The following GRB14 variants were observed in gnomAD, a reference collection of about 807,000 sequenced individuals.
The protein encoded by GRB14 is growth factor receptor-bound protein 14.
Under a neutral mutation model 69.1 loss-of-function variants are expected in GRB14, and 38 were observed. The ratio of observed to expected loss-of-function variants is 0.55; its 90% CI spans 0.42 to 0.72. The LOEUF (loss-of-function observed/expected upper bound fraction) is 0.72. Among genes scored for constraint, GRB14 ranks in the 30% least tolerant of loss-of-function variants. The pLI is 0.00. For synonymous variants in GRB14, 247 were observed against 241.3 expected, an observed-to-expected ratio of 1.02 and a Z score of -0.22; for missense variants, 666 against 666.1, an observed-to-expected ratio of 1.00 and a Z score of 0.00.
chr2:164,605,125 C>G (rs1003627814), intron 2 of GRB14, among the ~76,000 whole-genome samples: 3 of 152,084 alleles, frequency 2.0e-5, no homozygotes, highest in Admixed American at 6.5e-5. Flanking sequence ...AGGAGAGTCT[C>G]AAAGTAATTA....
intron 2 of GRB14, among the ~76,000 whole-genome samples, chr2:164,609,183 T>A (rs1690108719): frequency 6.6e-6 from 1 of 152,230 alleles, no homozygotes; most frequent in Non-Finnish European, 1.5e-5. Context: ...TCCCAGCTGT[T>A]AGAGTATCAG....
intron 1 of GRB14, among the ~76,000 whole-genome samples, chr2:164,620,684 G>T (rs1690435559): frequency 2.0e-5 from 3 of 152,190 alleles, no homozygotes. Context: ...CTGCCGAACA[G>T]CAAGACTGCT....
chr2:164,602,504 G>A (rs1338102702), intron 2 of GRB14, among the ~76,000 whole-genome samples: 2 of 152,012 alleles, frequency 1.3e-5, no homozygotes, highest in South Asian at 2.1e-4. Flanking sequence ...TGGTTTACAC[G>A]TACTTCATAA....
At position 164,527,155 on chromosome 2, in the gene GRB14, G is replaced by C. The variant is rs781559590; in HGVS notation, c.482-20C>G. ...TTCTTTCTGTAAAGAATGTTTCAATGAGTATGTTGACAGATAGACAAATAT... is the reference window on the plus strand; with the variant it reads ...TTCTTTCTGTAAAGAATGTTTCAATCAGTATGTTGACAGATAGACAAATAT... On this transcript the variant is annotated intron_variant, in intron 3 of 13. Transcript: ENST00000263915. 3 of 1,236,056 alleles carry C rather than the reference G, an allele frequency of 2.4e-6. No homozygotes were observed. Among genetic ancestry groups the C allele is most frequent in the Admixed American group, 2.0e-5 (1 of 49,934 alleles). 76.6% of individuals were successfully genotyped at this position (1,236,056 alleles called of 1,614,324 possible).
rs377666459 is a variant in GRB14, at chr2:164,616,513, A to G, written c.324+3174T>C. Among the ~76,000 whole-genome samples the G allele has an allele frequency of 1.4e-4, 21 of 151,128 alleles. No individual in the cohort carries two copies. The South Asian group carries it at 4.0e-3, about 29-fold the overall frequency. ...AATAATGGTACTGAAAGCCTACAGT[A>G]TTGTACACTTTGGGACATTTTATTT... On this transcript the variant is annotated intron_variant, in intron 2 of 13. Coordinates refer to ENST00000263915, the MANE Select transcript of GRB14 (RefSeq NM_004490.3).
rs561302013 is a variant in GRB14 at position 164,607,897 on chromosome 2, G to A, written c.324+11790C>T. Among the ~76,000 whole-genome samples the A allele has an allele frequency of 3.9e-5, 6 of 152,174 alleles. 1 individual carries two copies. Among genetic ancestry groups the A allele is most frequent in the African/African-American group, 9.6e-5 (4 of 41,524 alleles). On this transcript the variant is annotated intron_variant, in intron 2 of 13. Coordinates refer to ENST00000263915, the MANE Select transcript of GRB14 (RefSeq NM_004490.3). ...TGCTTTCCAATTTTTTTCCTAAGAT[G>A]CTTTTGTCTTATAATGTGTCTTATA...
chr2:164,613,950 A>G (rs1690224742), intron 2 of GRB14, among the ~76,000 whole-genome samples: 1 of 152,258 alleles, frequency 6.6e-6, no homozygotes, highest in African/African-American at 2.4e-5. Flanking sequence ...TATACATATC[A>G]AAGAGAAAAA....
chr2:164,582,424 A>T (rs200282834), intron 2 of GRB14, among the ~76,000 whole-genome samples: 2,441 of 116,114 alleles, frequency 0.021, 68 homozygotes, highest in African/African-American at 0.082. Flanking sequence ...TTTATTTATT[A>T]TTTTTTTTTT....
chr2:164,580,096 A>AT (rs57336288), intron 2 of GRB14, among the ~76,000 whole-genome samples: 1 of 133,362 alleles, frequency 7.5e-6, no homozygotes, highest in Non-Finnish European at 1.6e-5. Context: ...TCTATGATAC[A>AT]TTTTTTTTTT....
intron 8 of GRB14, among the ~76,000 whole-genome samples, chr2:164,506,194 G>A (rs1687183667): frequency 6.6e-6 from 1 of 152,122 alleles, no homozygotes; most frequent in Admixed American, 6.6e-5. Flanking sequence ...TTCTTATTCA[G>A]AATCCTTAAG....
At chr2:164,508,571 G>C (rs374915204) in intron 7 of GRB14, 21 bp from the exon 8 acceptor site, 1 of 1,603,790 alleles carries the variant, frequency 6.2e-7, no homozygotes, top group Non-Finnish European at 8.5e-7. Flanking sequence ...ACAGCACATT[G>C]TTTATCGTTA....
intron 2 of GRB14, among the ~76,000 whole-genome samples, chr2:164,577,978 T>C (rs958867483): frequency 2.0e-5 from 3 of 152,256 alleles, no homozygotes; most frequent in South Asian, 4.1e-4. Flanking sequence ...CTCACGCCTA[T>C]AATCACAGCA....
intron 6 of GRB14, among the ~76,000 whole-genome samples, chr2:164,509,810 A>C (rs891533647): frequency 3.3e-5 from 5 of 151,452 alleles, no homozygotes; most frequent in African/African-American, 7.3e-5. Flanking sequence ...AAAAAAAAAA[A>C]AAACACCCCA....
At chr2:164,537,851 A>G (rs957080068) in intron 3 of GRB14, among the ~76,000 whole-genome samples, 1 of 152,136 alleles carries the variant, frequency 6.6e-6, no homozygotes, top group Admixed American at 6.5e-5. Flanking sequence ...TATGGAAGGA[A>G]GCACAGTGCC....
chr2:164,526,201 G>A (rs1687770216), intron 4 of GRB14, among the ~76,000 whole-genome samples: 1 of 151,900 alleles, frequency 6.6e-6, no homozygotes, highest in Admixed American at 6.6e-5. Flanking sequence ...AGGTCTTTCA[G>A]GGTTTGAAAA....
intron 5 of GRB14, among the ~76,000 whole-genome samples, chr2:164,523,858 G>A (rs2105284940): frequency 6.6e-6 from 1 of 152,126 alleles, no homozygotes; most frequent in African/African-American, 2.4e-5. Context: ...TGTGCTACAG[G>A]AAGACTTGCA....
intron 2 of GRB14, among the ~76,000 whole-genome samples, chr2:164,603,082 G>C (rs1028959929): frequency 6.6e-6 from 1 of 152,148 alleles, no homozygotes; most frequent in African/African-American, 2.4e-5. Context: ...CAGCTGTATA[G>C]TACCTCAGGG....
At chr2:164,523,070 G>T (rs1043824915) in intron 5 of GRB14, among the ~76,000 whole-genome samples, 8 of 151,946 alleles carry the variant, frequency 5.3e-5, no homozygotes, top group African/African-American at 1.7e-4. Flanking sequence ...GACAGTAAGT[G>T]GGGGGAAACA....
chr2:164,589,102 A>G lies in GRB14; in HGVS notation c.324+30585T>C, dbSNP rs184722864. On this transcript the variant is annotated intron_variant, in intron 2 of 13. Coordinates refer to ENST00000263915, the MANE Select transcript of GRB14 (RefSeq NM_004490.3). ...TGAATGTACATATCACAGTACATAG[A>G]GTACTCTTGTAGTCAATGTGTACAT... Among the ~76,000 whole-genome samples the G allele has an allele frequency of 6.4e-4, 97 of 152,358 alleles. 1 individual carries two copies. Among genetic ancestry groups the G allele is most frequent in the Admixed American group, 8.5e-4 (13 of 15,296 alleles).
Sources: allele counts gnomAD v4.1 joint callset (sites outside exome capture counted in the v4.1 genomes callset), GRCh38; gene constraint gnomAD v4.1.1; transcripts MANE v1.5; gene names NCBI Gene and HGNC (gene_info 2026-07-23, HGNC 2026-07-21).